NLRP1: variants seen among roughly 807,000 people sequenced by gnomAD.
NLRP1 encodes NLR family pyrin domain containing 1, also known as NACHT, LRR and PYD domains-containing protein 1.
A neutral mutation model predicts 136.7 loss-of-function variants in NLRP1; 94 were observed. The ratio of observed to expected loss-of-function variants is 0.69; its 90% confidence interval spans 0.58 to 0.82. The LOEUF is 0.82. NLRP1 is among the 40% of genes least tolerant of loss of function. The pLI is 0.00. For synonymous variants in NLRP1, 690 were observed against 725.1 expected (o/e 0.95, Z 0.78); for missense variants, 1,575 against 1,802.7 (o/e 0.87, Z 2.29).
chr17:5,530,821 C>T (rs990701066), intron 11 of NLRP1, 117 bp from the exon 12 acceptor site: 12 of 724,092 alleles, frequency 1.7e-5, no homozygotes, highest in Non-Finnish European at 2.6e-5. Context: ...GCCCAGACTT[C>T]GGAATCAGAT....
rs1317862135 is a variant in NLRP1 at position 5,581,888 on chromosome 17, A to G, written c.623T>C (p.Leu208Pro). Residue 208 changes from leucine to proline, a missense_variant, in exon 3 of 17, where the codon CTG (leucine) becomes CCG (proline). Leu to Pro is a moderately conservative substitution (Grantham distance 98). Transcript: ENST00000572272. ...GTAGTAAATTCCTGACGTTTCATCC[A>G]GAGGCCATTGGGTCCCAGGAGCCTC... is the stretch of plus-strand genomic sequence containing the variant. ...EQEAPGTQWP[L>P]DETSGIYYTE... 6.2e-7 allele frequency: 1 copy of G among 1,613,120 alleles called. No individual in the cohort carries two copies. Among genetic ancestry groups the G allele is most frequent in the Admixed American group, 1.7e-5 (1 of 60,014 alleles).
intron 12 of NLRP1, among the ~76,000 whole-genome samples, chr17:5,522,583 C>T (rs1352254073): frequency 1.3e-5 from 2 of 152,214 alleles, no homozygotes; most frequent in Non-Finnish European, 2.9e-5. Context: ...CAGGCTAAGA[C>T]ACCCAGCATG....
chr17:5,576,460 C>G (rs1172180651), intron 3 of NLRP1, among the ~76,000 whole-genome samples: 2 of 152,320 alleles, frequency 1.3e-5, no homozygotes, highest in African/African-American at 4.8e-5. Flanking sequence ...ACCGATCCTA[C>G]AGAAATACAA....
chr17:5,567,586 G>A (rs1915470474), intron 3 of NLRP1, among the ~76,000 whole-genome samples: 1 of 151,764 alleles, frequency 6.6e-6, no homozygotes, highest in South Asian at 2.1e-4. Flanking sequence ...GTCTACTTAG[G>A]GTAAGAGAGG....
chr17:5,564,296 ATTCT>A (rs1314752450), intron 3 of NLRP1, among the ~76,000 whole-genome samples: 4 of 152,120 alleles, frequency 2.6e-5, no homozygotes, highest in South Asian at 2.1e-4. Context: ...GGTCTTATTC[ATTCT>A]TTCTATTTTT....
In NLRP1 at chr17:5,583,572, C is replaced by T. The variant is rs927129627; in HGVS notation, c.271+115G>A. The T allele has an allele frequency of 8.2e-5, 91 of 1,106,970 alleles. No homozygotes were observed. In the East Asian group the frequency reaches 2.0e-3, roughly 25 times the overall value. 68.6% of individuals were successfully genotyped at this position (1,106,970 alleles called of 1,614,324 possible). On this transcript the variant is annotated intron_variant, in intron 1 of 16. Transcript: ENST00000572272. This position sits in a 1 kb window ranked among gnomAD's most constrained non-coding sequence, Gnocchi z 4.5. ...CCCCTTTGAGAGGGCAGTTCCATGT[C>T]ACTGCTCAGAGGAAGGCCTGGCAGG... is the stretch of plus-strand genomic sequence containing the variant.
At chr17:5,535,515 G>C (rs1377547313) in intron 8 of NLRP1, among the ~76,000 whole-genome samples, 1 of 151,368 alleles carries the variant, frequency 6.6e-6, no homozygotes, top group Non-Finnish European at 1.5e-5. Context: ...TCTTGACCAG[G>C]TCAAATAGGC....
At chr17:5,517,916 C>T in intron 14 of NLRP1, 29 bp from the exon 15 acceptor site, 2 of 1,612,228 alleles carry the variant, frequency 1.2e-6, no homozygotes, top group Non-Finnish European at 8.5e-7. Flanking sequence ...GAGTTGCCAC[C>T]CTGTTCATCT....
Position 5,539,298 on chromosome 17 carries a change from G to A in NLRP1, c.2870+117C>T, listed in dbSNP as rs189352919. ...CTTGTCCAAGTCACACAGTGTAAGT[G>A]GTAGAGCTGGTAAGAAACTTGGGTT... On this transcript the variant is annotated intron_variant, in intron 7 of 16. Transcript: ENST00000572272. 4.5e-4 allele frequency: 399 copies of A among 889,500 alleles called. 1 individual carries two copies. Among genetic ancestry groups the A allele is most frequent in the Non-Finnish European group, 2.5e-5 (15 of 601,090 alleles). The allele number at this position is 889,500 out of a possible 1,614,324, so 55.1% of individuals were successfully genotyped here.
intron 5 of NLRP1, among the ~76,000 whole-genome samples, chr17:5,548,115 C>T (rs753656242): frequency 6.6e-6 from 1 of 152,240 alleles, no homozygotes; most frequent in Non-Finnish European, 1.5e-5. Flanking sequence ...CTCACATGGG[C>T]CACAGCAATG....
chr17:5,514,660 C>A lies in NLRP1; in HGVS notation c.*94G>T. The A allele has an allele frequency of 1.3e-6, 2 of 1,549,944 alleles. No individual in the cohort carries two copies. The highest frequency in any genetic ancestry group is 1.9e-5 in the Admixed American group (1 of 52,542). The stretch of plus-strand genomic sequence containing the variant: ...CATTACTTTAGTGCTGGAAGGCAAA[C>A]CAGATGGCAACTTGTTTGCAGAGAA... On this transcript the variant is annotated 3_prime_UTR_variant, in exon 17 of 17. Transcript: ENST00000572272.
In NLRP1 at chr17:5,559,091, C is replaced by T. The variant is rs1196025489; in HGVS notation, c.1605G>A (p.Lys535=). The T allele has an allele frequency of 6.2e-7, 1 of 1,614,188 alleles. No homozygotes were observed. The highest frequency in any genetic ancestry group is 1.1e-5 in the South Asian group (1 of 91,090). The change falls in exon 4 of 17, where the codon AAG becomes AAA. Residue 535 remains lysine (K), a synonymous_variant. Coordinates refer to ENST00000572272, the MANE Select transcript of NLRP1 (RefSeq NM_033004.4). ...AAGTCAGTGTGAGTTTTTCCTTCCG[C>T]TTCATCTGCTGCATCAGGCAAGTGC... ...LACTCLMQQM[K]RKEKLTLTSK...
Position 5,583,570 on chromosome 17 carries a change from G to T in NLRP1, c.271+117C>A. 1 of 1,097,508 alleles carries T rather than the reference G, an allele frequency of 9.1e-7. No individual in the cohort carries two copies. The allele number at this position is 1,097,508 out of a possible 1,614,324, so 68.0% of individuals were successfully genotyped here. A position where few individuals can be genotyped will look rare whatever the true frequency, so the allele number is the denominator to read the frequency against. ...TCCCCCTTTGAGAGGGCAGTTCCAT[G>T]TCACTGCTCAGAGGAAGGCCTGGCA... On this transcript the variant is annotated intron_variant, in intron 1 of 16. Coordinates refer to ENST00000572272, the MANE Select transcript of NLRP1 (RefSeq NM_033004.4). The surrounding 1 kb of genome is among the most constrained non-coding windows in gnomAD (Gnocchi z 4.5).
intron 15 of NLRP1, chr17:5,505,505 T>TCC (rs1248428306): frequency 6.6e-6 from 1 of 152,370 alleles, no homozygotes; most frequent in Non-Finnish European, 1.5e-5. Flanking sequence ...CCCCCTACCC[T>TCC]CCCTTCCTGC....
At chr17:5,521,082 T>A (rs1196604105) in intron 13 of NLRP1, 70 bp from the exon 14 acceptor site, 1 of 1,450,082 alleles carries the variant, frequency 6.9e-7, no homozygotes, top group Non-Finnish European at 9.3e-7. Flanking sequence ...ATAGGGGGGA[T>A]GGTGCATCTG....
At chr17:5,563,974 T>C (rs942365481) in intron 3 of NLRP1, among the ~76,000 whole-genome samples, 1 of 152,180 alleles carries the variant, frequency 6.6e-6, no homozygotes, top group Non-Finnish European at 1.5e-5. Flanking sequence ...GCAGAAGAGA[T>C]TGGGGGCCTA....
At position 5,514,812 on chromosome 17, in the gene NLRP1, A is replaced by G. The variant is rs1405128517; in HGVS notation, c.4364T>C (p.Leu1455Pro). 1.2e-6 allele frequency: 2 copies of G among 1,614,044 alleles called. No individual in the cohort carries two copies. Among genetic ancestry groups the G allele is most frequent in the Non-Finnish European group, 1.7e-6 (2 of 1,180,014 alleles). ...YQALKETHPH[L>P]IMELWEKGSK... is the part of the protein sequence containing the mutation. The stretch of plus-strand genomic sequence containing the variant: ...GCCCTTCTCCCAGAGTTCCATAATG[A>G]GGTGAGGATGGGTCTCCTTCAGGGC... Residue 1455 changes from leucine (L) to proline (P), a missense_variant, in exon 17 of 17, where the codon CTC (leucine) becomes CCC (proline). Coordinates refer to ENST00000572272, the MANE Select transcript of NLRP1 (RefSeq NM_033004.4).
chr17:5,566,907 T>C (rs533243381), intron 3 of NLRP1, among the ~76,000 whole-genome samples: 13 of 152,192 alleles, frequency 8.5e-5, no homozygotes, highest in Non-Finnish European at 1.6e-4. Flanking sequence ...CCATTATCAT[T>C]ATATAGTGAC....
intron 15 of NLRP1, among the ~76,000 whole-genome samples, chr17:5,507,717 G>A (rs1031825790): frequency 6.6e-6 from 1 of 152,358 alleles, no homozygotes; most frequent in East Asian, 1.9e-4. Flanking sequence ...CCAGTTACTG[G>A]AAACTCAGGA....
Sources: allele counts gnomAD v4.1 joint callset (sites outside exome capture counted in the v4.1 genomes callset), GRCh38; gene constraint gnomAD v4.1.1; non-coding constraint Gnocchi (gnomAD v3.1); transcripts MANE v1.5; gene names NCBI Gene and HGNC (gene_info 2026-07-23, HGNC 2026-07-21).